Variants in NPAS3 observed in about 807,000 individuals in gnomAD.
NPAS3 encodes neuronal PAS domain-containing protein 3.
NPAS3 carries 14 observed loss-of-function variants against 73.1 expected under a neutral mutation model. The observed-to-expected ratio is 0.19, with a 90% CI of 0.13 to 0.30. NPAS3 has a LOEUF of 0.30. NPAS3 is among the 10% of genes least tolerant of loss of function. NPAS3 has a pLI of 1.00. For missense variants in NPAS3, 1,096 were observed against 1,250.0 expected (o/e 0.88, Z 1.86); for synonymous variants, 620 against 541.5 (o/e 1.14, Z -2.01).
At chr14:33,053,484 G>T (rs1217322789) in intron 1 of NPAS3, among the ~76,000 whole-genome samples, 1 of 152,196 alleles carries the variant, frequency 6.6e-6, no homozygotes, top group Non-Finnish European at 1.5e-5. Context: ...TTGTTTGATA[G>T]GCAGAAGCCA....
intron 1 of NPAS3, among the ~76,000 whole-genome samples, chr14:33,009,524 C>T (rs1372271879): frequency 4.6e-5 from 7 of 152,074 alleles, no homozygotes; most frequent in Non-Finnish European, 1.0e-4. Context: ...GTAATGATGA[C>T]GGTGGCAACA....
intron 4 of NPAS3, among the ~76,000 whole-genome samples, chr14:33,374,315 G>A (rs7143980): frequency 0.29 from 43,654 of 151,868 alleles, 6,672 homozygotes; most frequent in South Asian, 0.41. Context: ...TTAGAAGAAA[G>A]TCAGGTCAAG....
chr14:32,986,493 G>A (rs2038105795), intron 1 of NPAS3, among the ~76,000 whole-genome samples: 1 of 152,152 alleles, frequency 6.6e-6, no homozygotes, highest in African/African-American at 2.4e-5. Context: ...GTGTGCATGG[G>A]TTTTTGTGTG....
intron 4 of NPAS3, among the ~76,000 whole-genome samples, chr14:33,532,946 C>T (rs1409688458): frequency 6.6e-6 from 1 of 152,042 alleles, no homozygotes; most frequent in Non-Finnish European, 1.5e-5. Context: ...TATTTTAAAA[C>T]TGAGATTGCA....
rs61620104 is a variant in NPAS3 at position 32,966,776 on chromosome 14, CAA to C, written c.50+27432_50+27433del. On this transcript the variant is annotated intron_variant, in intron 1 of 11. Transcript: ENST00000356141. ...TGGGCGACAGAGCGAGACTCCGTCT[CAA>C]AAAAAAAAAAAAAAAAAAAAAGAAC... 2.7e-3 allele frequency among the ~76,000 whole-genome samples: 122 copies of C among 45,152 alleles called. 1 individual carries two copies. Among genetic ancestry groups the C allele is most frequent in the African/African-American group, 0.012 (111 of 9,180 alleles). The allele number at this position is 45,152 out of a possible 152,430, so 29.6% of individuals were successfully genotyped here.
In NPAS3 at chr14:33,485,132, T is replaced by C. The variant is rs142248648; in HGVS notation, c.469-74989T>C. On this transcript the variant is annotated intron_variant, in intron 4 of 11. Transcript: ENST00000356141. ...CCCAAGACTCATGCTAGCTTTCTCA[T>C]GTATAGACGGTTTCTCCTTTCTGAG... Among the ~76,000 whole-genome samples the C allele has an allele frequency of 1.4e-4, 22 of 152,276 alleles. No individual in the cohort carries two copies. In the East Asian group the frequency reaches 2.7e-3, roughly 19 times the overall value.
At chr14:33,591,002 T>A (rs183967147) in intron 5 of NPAS3, among the ~76,000 whole-genome samples, 1 of 152,120 alleles carries the variant, frequency 6.6e-6, no homozygotes, top group Non-Finnish European at 1.5e-5. Context: ...AAGGAAAAAC[T>A]TGGGCAGAAC....
chr14:33,752,831 A>AT (rs564077728), intron 7 of NPAS3, among the ~76,000 whole-genome samples: 11 of 151,992 alleles, frequency 7.2e-5, no homozygotes, highest in African/African-American at 2.7e-4. Context: ...TCTTTCTGAT[A>AT]TTTTTTTTCA....
rs143945779 is a variant in NPAS3 at position 33,257,498 on chromosome 14, G to A, written c.385+42072G>A. Among the ~76,000 whole-genome samples the A allele has an allele frequency of 1.5e-3, 233 of 152,280 alleles. 1 individual carries two copies. Among genetic ancestry groups the A allele is most frequent in the African/African-American group, 5.4e-3 (224 of 41,552 alleles). On this transcript the variant is annotated intron_variant, in intron 3 of 11. Transcript: ENST00000356141. Reference sequence around the variant, plus strand: ...GATGCTGGTGAAATACCTGTATTCAGTAAGTCTAAGGAGTTGAATTTATTC... The same window carrying A: ...GATGCTGGTGAAATACCTGTATTCAATAAGTCTAAGGAGTTGAATTTATTC...
intron 6 of NPAS3, among the ~76,000 whole-genome samples, chr14:33,734,947 G>A (rs139341985): frequency 1.5e-3 from 232 of 152,222 alleles, no homozygotes; most frequent in African/African-American, 5.4e-3. Flanking sequence ...TACTTATGAC[G>A]AGACCCCACT....
intron 4 of NPAS3, among the ~76,000 whole-genome samples, chr14:33,544,820 A>AATATATATAT (rs1555409990): frequency 4.1e-5 from 4 of 98,538 alleles, no homozygotes; most frequent in African/African-American, 1.6e-4. Context: ...ATGTATATAT[A>AATATATATAT]ATATATATGT....
intron 9 of NPAS3, among the ~76,000 whole-genome samples, chr14:33,791,181 C>T (rs1324764913): frequency 6.6e-6 from 1 of 152,190 alleles, no homozygotes; most frequent in African/African-American, 2.4e-5. Flanking sequence ...TCTTCAGCCG[C>T]CCACGGTGGG....
intron 1 of NPAS3, among the ~76,000 whole-genome samples, chr14:32,954,475 T>C (rs948255697): frequency 3.3e-5 from 5 of 152,162 alleles, no homozygotes; most frequent in South Asian, 4.1e-4. Flanking sequence ...AGTTTTGAAA[T>C]TGGATTTAAG....
At chr14:33,026,878 C>T (rs777906322) in intron 1 of NPAS3, among the ~76,000 whole-genome samples, 114 of 152,308 alleles carry the variant, frequency 7.5e-4, no homozygotes, top group Non-Finnish European at 1.2e-3. Context: ...TTCCCCCCTA[C>T]ACCCCTTTCC....
intron 4 of NPAS3, among the ~76,000 whole-genome samples, chr14:33,446,332 C>A (rs1003024481): frequency 6.6e-6 from 1 of 151,262 alleles, no homozygotes; most frequent in Non-Finnish European, 1.5e-5. Flanking sequence ...CCCGCCACCG[C>A]GCCCGGCTAA....
At chr14:33,696,312 T>C (rs930908961) in intron 6 of NPAS3, among the ~76,000 whole-genome samples, 2 of 152,242 alleles carry the variant, frequency 1.3e-5, no homozygotes, top group Admixed American at 6.5e-5. Context: ...ACCCGTATTC[T>C]ACTCCTGGTT....
chr14:33,610,404 C>T (rs1166162817), intron 5 of NPAS3, among the ~76,000 whole-genome samples: 1 of 152,114 alleles, frequency 6.6e-6, no homozygotes, highest in Non-Finnish European at 1.5e-5. Context: ...CTACCCTGCA[C>T]AAGCTTACAA....
intron 4 of NPAS3, among the ~76,000 whole-genome samples, chr14:33,521,032 T>C (rs2281630): frequency 0.57 from 86,085 of 152,014 alleles, 24,381 homozygotes; most frequent in South Asian, 0.67. Context: ...TCCAGCTTTT[T>C]CCTGTGCAAG....
chr14:33,556,494 T>C (rs1036472590), intron 4 of NPAS3, among the ~76,000 whole-genome samples: 1 of 152,204 alleles, frequency 6.6e-6, no homozygotes, highest in Admixed American at 6.5e-5. Context: ...GCACTGAGCA[T>C]GGAGGTAGAA....
Sources: allele counts gnomAD v4.1 joint callset (sites outside exome capture counted in the v4.1 genomes callset), GRCh38; gene constraint gnomAD v4.1.1; transcripts MANE v1.5; gene names NCBI Gene and HGNC (gene_info 2026-07-23, HGNC 2026-07-21).